MTAP: variants seen among roughly 807,000 people sequenced by gnomAD.
MTAP encodes the protein S-methyl-5'-thioadenosine phosphorylase.
Under a neutral mutation model 33.6 loss-of-function variants are expected in MTAP, and 33 were observed. The ratio of observed to expected loss-of-function variants is 0.98; its 90% CI spans 0.74 to 1.31. The LOEUF (loss-of-function observed/expected upper bound fraction) is 1.31, where lower values mean the gene tolerates loss of function less well. Ranked by LOEUF, MTAP falls within the 40% of genes most tolerant of loss-of-function variation. The pLI is 0.00. For synonymous variants in MTAP, 148 were observed against 125.7 expected, an observed-to-expected ratio of 1.18 and a Z score of -1.19; for missense variants, 367 against 360.0, an observed-to-expected ratio of 1.02 and a Z score of -0.16.
intron 5 of MTAP, among the ~76,000 whole-genome samples, chr9:21,840,785 A>G (rs377424057): frequency 6.6e-6 from 1 of 152,206 alleles, no homozygotes; most frequent in East Asian, 1.9e-4. Flanking sequence ...GCCGCAGCAG[A>G]TACAAGTGAG....
At chr9:21,855,312 A>G (rs1825614434) in intron 6 of MTAP, among the ~76,000 whole-genome samples, 2 of 152,228 alleles carry the variant, frequency 1.3e-5, no homozygotes, top group Non-Finnish European at 2.9e-5. Context: ...TGTGACAACA[A>G]ACAGAGAAGT....
chr9:21,843,944 A>T (rs960965418), intron 5 of MTAP, among the ~76,000 whole-genome samples: 1 of 152,192 alleles, frequency 6.6e-6, no homozygotes, highest in Admixed American at 6.5e-5. Context: ...CAAAAGATAA[A>T]TGAAACAAAA....
chr9:21,825,627 C>G (rs2118165514), intron 4 of MTAP, among the ~76,000 whole-genome samples: 1 of 152,274 alleles, frequency 6.6e-6, no homozygotes, highest in East Asian at 1.9e-4. Context: ...TGCTTGAGCC[C>G]AGAAGTTTGA....
At chr9:21,813,985 C>T (rs188713200) in intron 1 of MTAP, 1 of 152,296 alleles carries the variant, frequency 6.6e-6, no homozygotes, top group East Asian at 1.9e-4. Flanking sequence ...ACTGGTTACT[C>T]TTTGTTCGTT....
At chr9:21,816,368 G>A (rs1465141904) in intron 2 of MTAP, among the ~76,000 whole-genome samples, 1 of 152,102 alleles carries the variant, frequency 6.6e-6, no homozygotes, top group African/African-American at 2.4e-5. Flanking sequence ...TATCCTTTCT[G>A]CCTTTCACCT....
At chr9:21,873,185 A>AT (rs766566098) in intron 1 of MTAP, among the ~76,000 whole-genome samples, 2 of 152,188 alleles carry the variant, frequency 1.3e-5, no homozygotes, top group Non-Finnish European at 2.9e-5. Flanking sequence ...AAAAAGTTAC[A>AT]TAAAATGTAT....
intron 1 of MTAP, among the ~76,000 whole-genome samples, chr9:21,875,755 GGT>G (rs1825997804): frequency 6.6e-6 from 1 of 152,158 alleles, no homozygotes; most frequent in East Asian, 1.9e-4. Context: ...AGTATTCCAT[GGT>G]ACATATGTAC....
At chr9:21,877,767 T>C (rs775520350) in intron 1 of MTAP, among the ~76,000 whole-genome samples, 1 of 152,132 alleles carries the variant, frequency 6.6e-6, no homozygotes, top group African/African-American at 2.4e-5. Context: ...TGCTAGTATT[T>C]TGTTGAGGAT....
At chr9:21,842,972 C>G (rs1200168861) in intron 5 of MTAP, among the ~76,000 whole-genome samples, 1 of 152,110 alleles carries the variant, frequency 6.6e-6, no homozygotes, top group Non-Finnish European at 1.5e-5. Context: ...TACGCAATGG[C>G]AGAATGGATA....
intron 1 of MTAP, among the ~76,000 whole-genome samples, chr9:21,927,118 T>G (rs890351169): frequency 6.6e-6 from 1 of 152,196 alleles, no homozygotes; most frequent in East Asian, 1.9e-4. Context: ...GCCCTAGCCC[T>G]TGGGCTACCC....
At chr9:21,851,479 G>A (rs994110355) in intron 5 of MTAP, among the ~76,000 whole-genome samples, 5 of 152,212 alleles carry the variant, frequency 3.3e-5, no homozygotes, top group African/African-American at 1.2e-4. Flanking sequence ...TTATGTAGTA[G>A]TATTTGGGTT....
At chr9:21,824,496 G>T (rs947310421) in intron 4 of MTAP, among the ~76,000 whole-genome samples, 5 of 152,062 alleles carry the variant, frequency 3.3e-5, no homozygotes, top group Non-Finnish European at 7.3e-5. Flanking sequence ...GCCGTGTGAG[G>T]TGTCAGTCTG....
At chr9:21,844,092 T>G (rs1180149313) in intron 5 of MTAP, among the ~76,000 whole-genome samples, 1 of 152,202 alleles carries the variant, frequency 6.6e-6, no homozygotes, top group Non-Finnish European at 1.5e-5. Flanking sequence ...TCAAGGCTAC[T>G]ATGAACACCT....
At chr9:21,899,021 G>T (rs1208934203) in intron 1 of MTAP, among the ~76,000 whole-genome samples, 2 of 151,896 alleles carry the variant, frequency 1.3e-5, no homozygotes, top group East Asian at 3.9e-4. Flanking sequence ...AAGAAAATGT[G>T]GCACATATAC....
chr9:21,936,994 A>C (rs1175460536), exon 8 of MTAP: 1 of 152,222 alleles, frequency 6.6e-6, no homozygotes, highest in Non-Finnish European at 1.5e-5. Context: ...GAGATGACAC[A>C]CACACAAAAT....
intron 4 of MTAP, among the ~76,000 whole-genome samples, chr9:21,825,457 T>C (rs1298559255): frequency 2.0e-5 from 3 of 152,224 alleles, no homozygotes; most frequent in Non-Finnish European, 4.4e-5. Flanking sequence ...GTAATGGCTG[T>C]ATTAATTTAT....
intron 1 of MTAP, among the ~76,000 whole-genome samples, chr9:21,901,343 T>C (rs1404751187): frequency 2.0e-5 from 3 of 152,226 alleles, no homozygotes; most frequent in Non-Finnish European, 2.9e-5. Flanking sequence ...GTTGAGCCTT[T>C]TAAATTTTTT....
intron 1 of MTAP, among the ~76,000 whole-genome samples, chr9:21,919,903 C>A (rs780737270): frequency 6.6e-6 from 1 of 152,126 alleles, no homozygotes; most frequent in Non-Finnish European, 1.5e-5. Context: ...TACGTAAACA[C>A]ACTCTTTGAG....
chr9:21,807,027 G>A lies in MTAP; in HGVS notation c.33+4246G>A, dbSNP rs143781419. Among the ~76,000 whole-genome samples, 497 of 152,212 alleles carry A rather than the reference G, an allele frequency of 3.3e-3. 5 individuals are homozygous for A. Among genetic ancestry groups the A allele is most frequent in the African/African-American group, 0.011 (473 of 41,518 alleles). ...AAAAATACAAAAATTAGCCAGGCAC[G>A]GTGCTGCACGCATGTAATCCCAGCT... is the stretch of plus-strand genomic sequence containing the variant. On this transcript the variant is annotated intron_variant, in intron 1 of 7. Transcript: ENST00000644715.
Sources: gnomAD v4.1 joint callset for allele counts (sites outside exome capture counted in the v4.1 genomes callset) on GRCh38, gnomAD v4.1.1 for gene constraint, MANE v1.5 for transcripts, NCBI Gene and HGNC (gene_info 2026-07-23, HGNC 2026-07-21) for gene names.